HERC1: variants seen among roughly 807,000 people sequenced by gnomAD.
HERC1 encodes the protein HECT and RLD domain containing E3 ubiquitin protein ligase family member 1.
A neutral mutation model predicts 554.3 loss-of-function variants in HERC1; 160 were observed. The observed-to-expected ratio is 0.29, with a 90% confidence interval of 0.25 to 0.33. The LOEUF (loss-of-function observed/expected upper bound fraction) is 0.33, where lower values mean the gene tolerates loss of function less well. HERC1 is among the 10% of genes least tolerant of loss of function. The pLI, the probability that HERC1 is intolerant of heterozygous loss-of-function variation, is 1.00. For missense variants in HERC1, 4,919 were observed against 5,918.5 expected (o/e 0.83, Z 5.54); for synonymous variants, 2,175 against 2,131.7 (o/e 1.02, Z -0.56).
chr15:63,746,323 C>T (rs1220244261), intron 12 of HERC1, among the ~76,000 whole-genome samples: 1 of 152,072 alleles, frequency 6.6e-6, no homozygotes, highest in Non-Finnish European at 1.5e-5. Flanking sequence ...AATTACTGTA[C>T]TTTCTATTAT....
intron 1 of HERC1, among the ~76,000 whole-genome samples, chr15:63,829,352 G>A (rs1340728141): frequency 6.6e-6 from 1 of 151,596 alleles, no homozygotes; most frequent in Non-Finnish European, 1.5e-5. Flanking sequence ...AAGCCCAGGA[G>A]TTCAAGGCTG....
At position 63,661,897 on chromosome 15, in the gene HERC1, T is replaced by C; in HGVS notation, c.9026A>G (p.Gln3009Arg). 6.2e-7 allele frequency: 1 copy of C among 1,614,024 alleles called. No homozygotes were observed. The highest frequency in any genetic ancestry group is 8.5e-7 in the Non-Finnish European group (1 of 1,179,880). Residue 3009 changes from glutamine (Q) to arginine (R), a missense_variant, in exon 45 of 78, where the codon CAG becomes CGG. Physicochemically the swap from Gln to Arg is conservative, Grantham distance 43. This residue lies in a region of HERC1 where 1,963 missense variants were observed against 2,228.6 expected (regional missense o/e 0.88). Transcript: ENST00000443617. ...HPGCGRSANR[Q>R]GYRSNGSYVD... ...ATAGGAACCATTGCTGCGATAGCCCTGGCGGTTTGCACTGCGCCCACAGCC... is the reference window on the plus strand; with the variant it reads ...ATAGGAACCATTGCTGCGATAGCCCCGGCGGTTTGCACTGCGCCCACAGCC...
intron 2 of HERC1, among the ~76,000 whole-genome samples, chr15:63,769,911 C>T (rs1018143162): frequency 4.6e-5 from 7 of 152,268 alleles, no homozygotes; most frequent in African/African-American, 1.7e-4. Context: ...TTACCTTCCT[C>T]TTATCTACCA....
At position 63,666,471 on chromosome 15, in the gene HERC1, G is replaced by A. The variant is rs2070644793; in HGVS notation, c.8208C>T (p.Ala2736=). Residue 2736 remains alanine, a splice_region_variant and synonymous_variant, in exon 41 of 78, where the codon GCC becomes GCT. Transcript: ENST00000443617. ...SQSARPANRT[A]LSDPSSRLST... is the part of the protein sequence containing the mutation. ...AAAGTCTACTGCTTGGGTCTGACAA[G>A]GCTGAGACAAAAGGAAGAGAAATAA... The A allele has an allele frequency of 1.3e-6, 2 of 1,585,344 alleles. No individual in the cohort carries two copies. Among genetic ancestry groups the A allele is most frequent in the Non-Finnish European group, 1.7e-6 (2 of 1,161,242 alleles).
intron 1 of HERC1, among the ~76,000 whole-genome samples, chr15:63,814,844 C>T (rs2077443758): frequency 6.6e-6 from 1 of 152,190 alleles, no homozygotes; most frequent in African/African-American, 2.4e-5. Context: ...ACCTACCTGT[C>T]TACGTCTCAA....
At chr15:63,828,150 A>G (rs969318692) in intron 1 of HERC1, among the ~76,000 whole-genome samples, 3 of 152,170 alleles carry the variant, frequency 2.0e-5, no homozygotes, top group Non-Finnish European at 2.9e-5. Context: ...TAACTGTATC[A>G]GAAGAAAAGG....
chr15:63,774,581 C>T, intron 2 of HERC1, 113 bp downstream of exon 2: 1 of 778,882 alleles, frequency 1.3e-6, no homozygotes, highest in East Asian at 2.7e-5. Flanking sequence ...TTAATTAACT[C>T]AACAATCACC....
intron 76 of HERC1, among the ~76,000 whole-genome samples, chr15:63,614,509 C>T (rs371733328): frequency 2.0e-5 from 3 of 152,356 alleles, no homozygotes; most frequent in African/African-American, 4.8e-5. Flanking sequence ...CAAGACCCAA[C>T]TTCACTAGGC....
intron 16 of HERC1, 39 bp downstream of exon 16, chr15:63,729,197 T>C: frequency 1.3e-6 from 2 of 1,560,162 alleles, no homozygotes; most frequent in South Asian, 2.5e-5. Flanking sequence ...TCTTACTTCT[T>C]AATGACTGAT....
At chr15:63,731,955 A>G (rs1256621661) in intron 14 of HERC1, among the ~76,000 whole-genome samples, 3 of 152,172 alleles carry the variant, frequency 2.0e-5, no homozygotes, top group African/African-American at 7.2e-5. Context: ...ATGATTTCAG[A>G]TAAGAATGGT....
rs373098342 is a variant in HERC1, at chr15:63,652,472, C to G, written c.10360G>C (p.Val3454Leu). The G allele has an allele frequency of 1.2e-6, 2 of 1,611,246 alleles. No individual in the cohort carries two copies. Among genetic ancestry groups the G allele is most frequent in the East Asian group, 2.2e-5 (1 of 44,810 alleles). The change falls in exon 52 of 78, where the codon GTA becomes CTA. Residue 3454 changes from valine to leucine, a missense_variant. By Grantham distance (32) the Val-to-Leu change is conservative. This residue lies in a region of HERC1 where 1,963 missense variants were observed against 2,228.6 expected (regional missense o/e 0.88). Transcript: ENST00000443617. ...ATSGNDGTIR[V>L]WNVTKKQYSL... ...TATTGCTTCTTGGTAACATTCCATACGCGGATGGTGCCATCATTGCCACTT... is the reference window on the plus strand; with the variant it reads ...TATTGCTTCTTGGTAACATTCCATAGGCGGATGGTGCCATCATTGCCACTT...
At chr15:63,738,310 A>ATAACAAT (rs1194988820) in intron 12 of HERC1, among the ~76,000 whole-genome samples, 9 of 152,240 alleles carry the variant, frequency 5.9e-5, no homozygotes, top group Admixed American at 5.9e-4. Flanking sequence ...CAGAAGAGAA[A>ATAACAAT]TAACAATTAA....
rs142606357 is a variant in HERC1, at chr15:63,793,369, T to C, written c.-26-17720A>G. On this transcript the variant is annotated intron_variant, in intron 1 of 77. Coordinates refer to ENST00000443617, the MANE Select transcript of HERC1 (RefSeq NM_003922.4). The stretch of plus-strand genomic sequence containing the variant: ...AGTGGCCTCTGGTAGTCCATACTGC[T>C]CATTATACACTAATTATAATGCATT... Among the ~76,000 whole-genome samples the C allele has an allele frequency of 3.8e-4, 58 of 152,332 alleles. No individual in the cohort carries two copies. The East Asian group carries it at 0.01, about 27-fold the overall frequency.
intron 2 of HERC1, among the ~76,000 whole-genome samples, chr15:63,768,261 C>T (rs1211182454): frequency 2.0e-5 from 3 of 152,158 alleles, no homozygotes; most frequent in African/African-American, 4.8e-5. Context: ...AATGTTGACA[C>T]GAATTACCTG....
chr15:63,629,103 C>T (rs1175234471), intron 69 of HERC1, among the ~76,000 whole-genome samples: 3 of 152,094 alleles, frequency 2.0e-5, no homozygotes, highest in East Asian at 1.9e-4. Flanking sequence ...GTGCCCGCCA[C>T]CACACCTGGC....
chr15:63,621,689 C>A (rs918016230), intron 74 of HERC1, among the ~76,000 whole-genome samples: 2 of 152,144 alleles, frequency 1.3e-5, no homozygotes, highest in Middle Eastern at 3.2e-3. Flanking sequence ...TTGTTCGTTT[C>A]TTTTTATTCT....
chr15:63,618,992 TCTC>T (rs1377802578), intron 74 of HERC1, among the ~76,000 whole-genome samples: 1 of 152,092 alleles, frequency 6.6e-6, no homozygotes, highest in East Asian at 1.9e-4. Context: ...TTTATTTCCT[TCTC>T]CTGCCTGATT....
intron 25 of HERC1, among the ~76,000 whole-genome samples, chr15:63,699,395 C>T (rs1013452683): frequency 2.0e-5 from 3 of 152,164 alleles, no homozygotes; most frequent in African/African-American, 7.2e-5. Flanking sequence ...CTACTCAAAA[C>T]AGAAAGATTT....
intron 12 of HERC1, among the ~76,000 whole-genome samples, chr15:63,744,789 A>AT (rs2141565836): frequency 6.6e-6 from 1 of 152,274 alleles, no homozygotes; most frequent in Admixed American, 6.5e-5. Flanking sequence ...TAGAAATGCC[A>AT]TCTAACAATC....
Sources: allele counts gnomAD v4.1 joint callset (sites outside exome capture counted in the v4.1 genomes callset), GRCh38; gene constraint gnomAD v4.1.1; regional missense constraint gnomAD v4.1.1; transcripts MANE v1.5; gene names NCBI Gene and HGNC (gene_info 2026-07-23, HGNC 2026-07-21).